Variants in KLHL5 observed in about 807,000 individuals in gnomAD.
KLHL5 encodes the protein kelch like family member 5.
Under a neutral mutation model 77.7 loss-of-function variants are expected in KLHL5, and 48 were observed. The ratio of observed to expected loss-of-function variants is 0.62; its 90% CI spans 0.49 to 0.79. The LOEUF is 0.79. Among genes scored for constraint, KLHL5 ranks in the 30% least tolerant of loss-of-function variants. The pLI is 0.00. For synonymous variants in KLHL5, 260 were observed against 297.0 expected (o/e 0.88, Z 1.28); for missense variants, 723 against 859.7 (o/e 0.84, Z 1.99).
chr4:39,112,983 C>A, intron 8 of KLHL5, 37 bp from the exon 9 acceptor site: 1 of 1,563,618 alleles, frequency 6.4e-7, no homozygotes, highest in Non-Finnish European at 8.8e-7. Flanking sequence ...CATAATGGCA[C>A]ATGTCTTATT....
intron 7 of KLHL5, among the ~76,000 whole-genome samples, chr4:39,105,236 T>A (rs1268847688): frequency 6.6e-6 from 1 of 151,764 alleles, no homozygotes; most frequent in East Asian, 1.9e-4. Context: ...AACCTCTTCC[T>A]CCTGGGCTAA....
At chr4:39,127,670 A>G (rs35464499), downstream of KLHL5, among the ~76,000 whole-genome samples, 80,124 of 151,714 alleles carry the variant, frequency 0.53, 21,699 homozygotes, top group Non-Finnish European at 0.59. Context: ...TCACGTTGTT[A>G]CCCAGGCTGG....
the KLHL5 span, among the ~76,000 whole-genome samples, chr4:39,138,296 T>G: frequency 2.6e-5 from 4 of 152,128 alleles, no homozygotes; most frequent in African/African-American, 9.7e-5. Context: ...TAAAGACATA[T>G]GCACATGTAT....
the KLHL5 span, among the ~76,000 whole-genome samples, chr4:39,133,603 A>T: frequency 0.52 from 78,693 of 150,476 alleles, 21,202 homozygotes; most frequent in Non-Finnish European, 0.59. Context: ...TTAAAAAAAA[A>T]TTTTTTATCT....
intron 10 of KLHL5, among the ~76,000 whole-genome samples, chr4:39,118,525 G>A (rs1190531953): frequency 6.6e-6 from 1 of 152,226 alleles, no homozygotes; most frequent in African/African-American, 2.4e-5. Context: ...GGAGGCCAAG[G>A]CGGGTGGGTC....
intron 1 of KLHL5, among the ~76,000 whole-genome samples, chr4:39,064,271 T>G (rs1181358121): frequency 8.6e-6 from 1 of 116,236 alleles, no homozygotes; most frequent in African/African-American, 2.7e-5. Flanking sequence ...TGTATTTAAT[T>G]TAAATTTTTT....
chr4:39,107,932 A>G (rs563851957), intron 8 of KLHL5, among the ~76,000 whole-genome samples: 1 of 152,122 alleles, frequency 6.6e-6, no homozygotes, highest in South Asian at 2.1e-4. Context: ...CAGATACTAT[A>G]CATTTTTAGT....
chr4:39,049,939 A>G (rs1160010485), intron 1 of KLHL5, among the ~76,000 whole-genome samples: 3 of 151,884 alleles, frequency 2.0e-5, no homozygotes, highest in African/African-American at 7.3e-5. Flanking sequence ...GCTGGGCATC[A>G]TGGTGCACGC....
chr4:39,093,734 T>C (rs1310682903), intron 5 of KLHL5, among the ~76,000 whole-genome samples: 5 of 152,052 alleles, frequency 3.3e-5, no homozygotes, highest in Non-Finnish European at 7.4e-5. Flanking sequence ...GGTGAAACCC[T>C]GTCTCTACTA....
intron 7 of KLHL5, among the ~76,000 whole-genome samples, chr4:39,105,255 T>G (rs1721934054): frequency 6.6e-6 from 1 of 151,652 alleles, no homozygotes; most frequent in Non-Finnish European, 1.5e-5. Context: ...AAAGCAGTCC[T>G]CCCACCTCAG....
rs1206258642 is a variant in KLHL5, at chr4:39,113,220, A to G, written c.1889A>G (p.Asp630Gly). ...TCCAACTTGACTTCCAGACTCTCAG[A>G]CTGTGTGGAAAGGTAATTTCCTGGG... The part of the protein sequence containing the change: ...PASNLTSRLS[D>G]CVERYDPKTD... Residue 630 changes from aspartate to glycine, a missense_variant, in exon 9 of 11, where the codon GAC becomes GGC. Asp to Gly is a moderately conservative substitution (Grantham distance 94). This residue lies in a region of KLHL5 where 214 missense variants were observed against 237.4 expected (regional missense o/e 0.90). Transcript: ENST00000504108. 3 of 1,613,672 alleles carry G rather than the reference A, an allele frequency of 1.9e-6. No homozygotes were observed. Among genetic ancestry groups the G allele is most frequent in the Middle Eastern group, 1.7e-4 (1 of 6,050 alleles).
intron 7 of KLHL5, among the ~76,000 whole-genome samples, chr4:39,106,693 A>T (rs184140980): frequency 1.0e-3 from 153 of 152,310 alleles, no homozygotes; most frequent in Non-Finnish European, 2.0e-3. Flanking sequence ...AAATAGTAGC[A>T]ATGTATGCAT....
At chr4:39,046,356 AG>A (rs1323914341) in intron 1 of KLHL5, among the ~76,000 whole-genome samples, 1 of 152,168 alleles carries the variant, frequency 6.6e-6, no homozygotes, top group African/African-American at 2.4e-5. Flanking sequence ...GATAATACCA[AG>A]TTCCTATTTA....
At chr4:39,140,506 A>G in the KLHL5 span, among the ~76,000 whole-genome samples, 1 of 152,246 alleles carries the variant, frequency 6.6e-6, no homozygotes, top group Non-Finnish European at 1.5e-5. Flanking sequence ...TATTTAAACT[A>G]TACTTTCAAT....
At chr4:39,045,982 GT>G (rs1243224071) in intron 1 of KLHL5, among the ~76,000 whole-genome samples, 2 of 150,448 alleles carry the variant, frequency 1.3e-5, no homozygotes, top group South Asian at 2.1e-4. Context: ...TTAGGAAACA[GT>G]TTAATAACTC....
chr4:39,108,558 T>C (rs1722213063), intron 8 of KLHL5, among the ~76,000 whole-genome samples: 1 of 152,168 alleles, frequency 6.6e-6, no homozygotes, highest in Admixed American at 6.5e-5. Flanking sequence ...AGTTATGTTC[T>C]ATTTTTTGAT....
At chr4:39,093,524 T>A in intron 5 of KLHL5, 1 of 440,540 alleles carries the variant, frequency 2.3e-6, no homozygotes, top group Middle Eastern at 4.0e-4. Flanking sequence ...TAAAGAAATA[T>A]ATTGTCAAAT....
chr4:39,136,643 AG>A, the KLHL5 span, among the ~76,000 whole-genome samples: 6 of 152,204 alleles, frequency 3.9e-5, 1 homozygote, highest in South Asian at 4.1e-4. Context: ...GAGTAAGGAC[AG>A]CGTCCACACA....
chr4:39,111,065 T>G (rs1577736452), intron 8 of KLHL5, among the ~76,000 whole-genome samples: 1 of 152,306 alleles, frequency 6.6e-6, no homozygotes. Flanking sequence ...TGAAAATCAT[T>G]GCTTGAGATA....
Sources: gnomAD v4.1 joint callset for allele counts (sites outside exome capture counted in the v4.1 genomes callset) on GRCh38, gnomAD v4.1.1 for gene constraint, gnomAD v4.1.1 regional missense constraint, MANE v1.5 for transcripts, NCBI Gene and HGNC (gene_info 2026-07-23, HGNC 2026-07-21) for gene names.